Variants in TRAPPC13 observed in about 807,000 individuals in gnomAD.
The protein encoded by TRAPPC13 is trafficking protein particle complex subunit 13.
In TRAPPC13, 39 loss-of-function variants were observed where a neutral mutation model predicts 54.0. The ratio of observed to expected loss-of-function variants is 0.72; its 90% CI spans 0.56 to 0.94. The LOEUF (loss-of-function observed/expected upper bound fraction) is 0.94, where lower values mean the gene tolerates loss of function less well. Ranked by LOEUF, TRAPPC13 falls within the 40% of genes least tolerant of loss-of-function variation. The pLI is 0.00. For synonymous variants in TRAPPC13, 148 were observed against 167.7 expected (o/e 0.88, Z 0.91); for missense variants, 386 against 488.1 (o/e 0.79, Z 1.97).
At chr5:65,640,906 A>G (rs1371349339) in intron 4 of TRAPPC13, among the ~76,000 whole-genome samples, 1 of 150,298 alleles carries the variant, frequency 6.7e-6, no homozygotes, top group Non-Finnish European at 1.5e-5. Flanking sequence ...ATTCAGACTC[A>G]TGATATATAA....
chr5:65,655,573 A>G, intron 7 of TRAPPC13, 63 bp from the exon 8 acceptor site: 1 of 563,724 alleles, frequency 1.8e-6, no homozygotes. Context: ...TTTTAAAGTA[A>G]TTCTTTTTTC....
intron 4 of TRAPPC13, among the ~76,000 whole-genome samples, chr5:65,640,339 C>G (rs779872939): frequency 5.9e-5 from 9 of 152,164 alleles, no homozygotes; most frequent in Non-Finnish European, 1.3e-4. Flanking sequence ...GAGTTTGAGA[C>G]CAGCCTACAC....
At chr5:65,646,579 G>A (rs1034199797) in intron 4 of TRAPPC13, among the ~76,000 whole-genome samples, 3 of 151,500 alleles carry the variant, frequency 2.0e-5, no homozygotes, top group African/African-American at 7.3e-5. Flanking sequence ...TATCCACAAT[G>A]TATTATTTTG....
At chr5:65,637,829 T>C (rs765370284) in intron 4 of TRAPPC13, 49 bp downstream of exon 4, 2 of 1,193,708 alleles carry the variant, frequency 1.7e-6, no homozygotes, top group South Asian at 2.7e-5. Flanking sequence ...AACAAAGGTT[T>C]TTTTTTAGGC....
At chr5:65,635,068 T>A in intron 1 of TRAPPC13, 1 of 528,326 alleles carries the variant, frequency 1.9e-6, no homozygotes, top group Non-Finnish European at 2.4e-6. Context: ...TATTTACATT[T>A]AATTTTTATA....
chr5:65,629,939 G>A (rs187895776), intron 1 of TRAPPC13: 8 of 1,535,886 alleles, frequency 5.2e-6, no homozygotes, highest in Non-Finnish European at 7.0e-6. Context: ...TGGAAATCTG[G>A]GTAAACAATC....
intron 4 of TRAPPC13, 86 bp downstream of exon 4, chr5:65,637,866 C>A (rs1755812436): frequency 1.5e-5 from 10 of 664,626 alleles, no homozygotes; most frequent in Middle Eastern, 3.6e-4. Context: ...TGCCTGTAAT[C>A]CTAGCACTTT....
rs1581206013 is a variant in TRAPPC13 at position 65,629,868 on chromosome 5, A to G, written c.46+4762A>G. 14 of 1,536,088 alleles carry G rather than the reference A, an allele frequency of 9.1e-6. No individual in the cohort carries two copies. The East Asian group carries it at 3.4e-4, about 38-fold the overall frequency. ...TGCACAGTAGATCTATTGGAGTTTC[A>G]ACCTAGCTTGAAAAAGCAGCATTTA... On this transcript the variant is annotated intron_variant, in intron 1 of 12. Transcript: ENST00000399438.
rs566243115 is a variant in TRAPPC13 at position 65,629,536 on chromosome 5, GA to G, written c.46+4431del. On this transcript the variant is annotated intron_variant, in intron 1 of 12. Coordinates refer to ENST00000399438, the MANE Select transcript of TRAPPC13 (RefSeq NM_024941.4). Reference sequence around the variant, plus strand: ...AATAAATTAACATTCTAGCTCTGAGGAGTTCAACTAAGAAATTTTCTCATCA... The same window carrying G: ...AATAAATTAACATTCTAGCTCTGAGGGTTCAACTAAGAAATTTTCTCATCA... The G allele has an allele frequency of 2.6e-5, 38 of 1,469,522 alleles. No individual in the cohort carries two copies. The South Asian group carries it at 5.1e-4, about 20-fold the overall frequency. The allele number at this position is 1,469,522 out of a possible 1,614,324, so 91.0% of individuals were successfully genotyped here.
At chr5:65,646,108 A>G (rs1756197205) in intron 4 of TRAPPC13, among the ~76,000 whole-genome samples, 1 of 152,244 alleles carries the variant, frequency 6.6e-6, no homozygotes, top group Non-Finnish European at 1.5e-5. Flanking sequence ...AAAATCATAC[A>G]TAAGGTAATT....
chr5:65,647,130 T>C lies in TRAPPC13; in HGVS notation c.376T>C (p.Cys126Arg), dbSNP rs373482922. ...NAAVAELKPD[C>R]CIDDVIHHEV... is the part of the protein sequence containing the mutation. ...TGCAGTGGCTGAACTTAAACCGGAT[T>C]GTTGTATTGATGATGTCATACATCA... Residue 126 changes from cysteine (C) to arginine (R), a missense_variant, in exon 5 of 13, where the codon TGT becomes CGT. Transcript: ENST00000399438. The C allele has an allele frequency of 1.3e-5, 21 of 1,575,950 alleles. No individual in the cohort carries two copies. In the African/African-American group the frequency reaches 2.3e-4, roughly 17 times the overall value.
chr5:65,634,071 C>T (rs1436852371), intron 1 of TRAPPC13, among the ~76,000 whole-genome samples: 1 of 150,636 alleles, frequency 6.6e-6, no homozygotes, highest in African/African-American at 2.5e-5. Context: ...CTGCAACCTC[C>T]GCCTCCCGGC....
intron 9 of TRAPPC13, among the ~76,000 whole-genome samples, chr5:65,660,137 ATTC>A (rs1272221826): frequency 2.0e-5 from 3 of 152,044 alleles, no homozygotes; most frequent in Admixed American, 6.6e-5. Flanking sequence ...ACAATTTTCC[ATTC>A]TTTTCTAGAT....
At chr5:65,658,275 A>T (rs1468618062) in intron 8 of TRAPPC13, 93 bp from the exon 9 acceptor site, 5 of 1,252,930 alleles carry the variant, frequency 4.0e-6, no homozygotes, top group Non-Finnish European at 4.4e-6. Context: ...ATTTGTGGTT[A>T]ATATTTTTTC....
At chr5:65,630,391 TTGAAATAGATAAAA>T (rs1332391919) in intron 1 of TRAPPC13, 5 of 1,416,762 alleles carry the variant, frequency 3.5e-6, no homozygotes, top group Non-Finnish European at 4.6e-6. Context: ...TGAATATGGA[TTGAAATAGATAAAA>T]TAATTTTTAC....
Position 65,658,374 on chromosome 5 carries a change from G to T in TRAPPC13, c.571G>T (p.Glu191Ter). 1 of 1,597,638 alleles carries T rather than the reference G, an allele frequency of 6.3e-7. No individual in the cohort carries two copies. The highest frequency in any genetic ancestry group is 8.5e-7 in the Non-Finnish European group (1 of 1,171,004). Residue 191 changes from glutamate (E) to a stop codon, truncating the protein, a stop_gained, in exon 9 of 13, where the codon GAA becomes TAA. Coordinates refer to ENST00000399438, the MANE Select transcript of TRAPPC13 (RefSeq NM_024941.4). LOFTEE classifies it high-confidence loss of function. ...AESDLSSVTD[E>*]VFLEAQIQNM... is the part of the protein sequence containing the mutation. The stretch of plus-strand genomic sequence containing the variant: ...ATTTTTTTCATATCCTCAGACTGAT[G>T]AAGTATTTCTGGAAGCCCAGATTCA...
In TRAPPC13 at chr5:65,650,761, A is replaced by G. The variant is rs777173037; in HGVS notation, c.429-49A>G. The G allele has an allele frequency of 4.7e-6, 7 of 1,475,160 alleles. No homozygotes were observed. The South Asian group carries it at 6.9e-5, about 15-fold the overall frequency. The allele number at this position is 1,475,160 out of a possible 1,614,324, so 91.4% of individuals were successfully genotyped here. On this transcript the variant is annotated intron_variant, in intron 5 of 12. Coordinates refer to ENST00000399438, the MANE Select transcript of TRAPPC13 (RefSeq NM_024941.4). Reference sequence around the variant, plus strand: ...AGAATTGAGGTGTGTTTGATTTACTATTAAAATTAAAAATGACTCAGAATC... The same window carrying G: ...AGAATTGAGGTGTGTTTGATTTACTGTTAAAATTAAAAATGACTCAGAATC...
chr5:65,639,801 GA>G (rs2150671898), intron 4 of TRAPPC13, among the ~76,000 whole-genome samples: 1 of 152,318 alleles, frequency 6.6e-6, no homozygotes, highest in South Asian at 2.1e-4. Flanking sequence ...TTAAAAGATA[GA>G]ATATGCTAAC....
intron 1 of TRAPPC13, among the ~76,000 whole-genome samples, chr5:65,628,866 C>G (rs1755384359): frequency 6.6e-6 from 1 of 151,304 alleles, no homozygotes; most frequent in Non-Finnish European, 1.5e-5. Context: ...CTCTATCGCC[C>G]AGGCTGAGTG....
Sources: allele counts gnomAD v4.1 joint callset (sites outside exome capture counted in the v4.1 genomes callset), GRCh38; gene constraint gnomAD v4.1.1; transcripts MANE v1.5; gene names NCBI Gene and HGNC (gene_info 2026-07-23, HGNC 2026-07-21).